STARD13: variants seen among roughly 807,000 people sequenced by gnomAD.
STARD13 encodes the protein StAR related lipid transfer domain containing 13.
Under a neutral mutation model 106.4 loss-of-function variants are expected in STARD13, and 62 were observed. That is an observed-to-expected ratio of 0.58 (90% CI 0.48 to 0.72). STARD13 has a LOEUF of 0.72. STARD13 is among the 30% of genes least tolerant of loss of function. STARD13 has a pLI of 0.00. For synonymous variants in STARD13, 565 were observed against 553.0 expected (o/e 1.02, Z -0.31); for missense variants, 1,387 against 1,424.0 (o/e 0.97, Z 0.42).
the STARD13 span, among the ~76,000 whole-genome samples, chr13:33,542,339 A>G: frequency 6.6e-6 from 1 of 152,230 alleles, no homozygotes; most frequent in African/African-American, 2.4e-5. Flanking sequence ...AGAAAACAGT[A>G]CAGATCCAGT....
chr13:33,665,213 G>T, the STARD13 span, among the ~76,000 whole-genome samples: 1 of 152,166 alleles, frequency 6.6e-6, no homozygotes, highest in Non-Finnish European at 1.5e-5. Flanking sequence ...GTTGAGTGGT[G>T]ACTGAACTGG....
intron 1 of STARD13, among the ~76,000 whole-genome samples, chr13:33,258,436 C>A: frequency 6.6e-6 from 1 of 150,696 alleles, no homozygotes; most frequent in African/African-American, 2.5e-5. Context: ...ACCAGAAACA[C>A]ACAAGACACC....
At chr13:33,233,962 C>A (rs1038159059) in intron 1 of STARD13, among the ~76,000 whole-genome samples, 1 of 152,162 alleles carries the variant, frequency 6.6e-6, no homozygotes, top group Non-Finnish European at 1.5e-5. Flanking sequence ...GTGGGGTGCC[C>A]CTTCTATGAG....
At chr13:33,490,834 T>C in the STARD13 span, among the ~76,000 whole-genome samples, 1 of 152,086 alleles carries the variant, frequency 6.6e-6, no homozygotes, top group Non-Finnish European at 1.5e-5. Context: ...CGTCTGCGGG[T>C]GGCCAAGCTG....
chr13:33,639,389 C>T, the STARD13 span, among the ~76,000 whole-genome samples: 6 of 152,212 alleles, frequency 3.9e-5, no homozygotes, highest in African/African-American at 1.2e-4. Context: ...TGCACAAGAA[C>T]AGCCGTGGTC....
intron 1 of STARD13, among the ~76,000 whole-genome samples, chr13:33,230,327 C>A (rs7985984): frequency 0.13 from 19,191 of 152,192 alleles, 1,938 homozygotes; most frequent in African/African-American, 0.28. Context: ...CCAGTACATG[C>A]ACATCCTACC....
the STARD13 span, among the ~76,000 whole-genome samples, chr13:33,421,441 T>G: frequency 6.6e-6 from 1 of 152,246 alleles, no homozygotes; most frequent in African/African-American, 2.4e-5. Flanking sequence ...CTCTGAAATT[T>G]AGGCAATAAT....
chr13:33,261,960 C>T (rs1243804390), intron 1 of STARD13, among the ~76,000 whole-genome samples: 1 of 152,116 alleles, frequency 6.6e-6, no homozygotes, highest in Non-Finnish European at 1.5e-5. Flanking sequence ...CTGGTGAACT[C>T]GGGCCCACGA....
the STARD13 span, among the ~76,000 whole-genome samples, chr13:33,643,256 C>A: frequency 6.6e-6 from 1 of 152,028 alleles, no homozygotes; most frequent in East Asian, 1.9e-4. Context: ...GTTCCTCCTG[C>A]AGAAATCTTC....
the STARD13 span, among the ~76,000 whole-genome samples, chr13:33,429,463 G>T: frequency 6.6e-6 from 1 of 151,874 alleles, no homozygotes; most frequent in South Asian, 2.1e-4. Flanking sequence ...GGGTGTGGCG[G>T]CAGTGAGCCG....
chr13:33,178,772 G>C (rs571687408), intron 1 of STARD13, among the ~76,000 whole-genome samples: 1 of 152,262 alleles, frequency 6.6e-6, no homozygotes, highest in Admixed American at 6.5e-5. Context: ...TTTACTTTAT[G>C]TAATAACTTG....
intron 1 of STARD13, among the ~76,000 whole-genome samples, chr13:33,208,756 C>T (rs1334937364): frequency 6.6e-6 from 1 of 152,088 alleles, no homozygotes; most frequent in African/African-American, 2.4e-5. Flanking sequence ...CTAGAGGCAA[C>T]CAGAAAGACA....
At chr13:33,651,948 T>A in the STARD13 span, among the ~76,000 whole-genome samples, 1 of 152,198 alleles carries the variant, frequency 6.6e-6, no homozygotes, top group Non-Finnish European at 1.5e-5. Context: ...ATCAGCTGTC[T>A]GGCGAATATC....
At chr13:33,236,412 G>C (rs573584407) in intron 1 of STARD13, among the ~76,000 whole-genome samples, 1 of 152,218 alleles carries the variant, frequency 6.6e-6, no homozygotes, top group African/African-American at 2.4e-5. Context: ...GCATGGCTGC[G>C]TGAGTGTTAG....
chr13:33,672,942 C>T, the STARD13 span, among the ~76,000 whole-genome samples: 1 of 152,182 alleles, frequency 6.6e-6, no homozygotes, highest in Non-Finnish European at 1.5e-5. Context: ...GGATGTCTTA[C>T]AAGCCATTCC....
At chr13:33,664,950 C>T in the STARD13 span, among the ~76,000 whole-genome samples, 1 of 152,212 alleles carries the variant, frequency 6.6e-6, no homozygotes, top group Non-Finnish European at 1.5e-5. Flanking sequence ...CTTTTACTTA[C>T]CTTACTCATC....
chr13:33,528,243 C>CATATATATAT, the STARD13 span, among the ~76,000 whole-genome samples: 18 of 93,482 alleles, frequency 1.9e-4, no homozygotes, highest in African/African-American at 1.1e-3. Flanking sequence ...TATATATATA[C>CATATATATAT]ATATATATAT....
chr13:33,261,539 A>G (rs1044292364), intron 1 of STARD13, among the ~76,000 whole-genome samples: 1 of 152,184 alleles, frequency 6.6e-6, no homozygotes, highest in East Asian at 1.9e-4. Context: ...TTCATCTCAC[A>G]GCTCATTTTT....
chr13:33,274,456 A>C (rs1034065403), intron 1 of STARD13, among the ~76,000 whole-genome samples: 8 of 152,188 alleles, frequency 5.3e-5, no homozygotes, highest in African/African-American at 1.9e-4. Context: ...AGAACTGTGA[A>C]ACATATTTTT....
Sources: allele counts gnomAD v4.1 joint callset (sites outside exome capture counted in the v4.1 genomes callset), GRCh38; gene constraint gnomAD v4.1.1; transcripts MANE v1.5; gene names NCBI Gene and HGNC (gene_info 2026-07-23, HGNC 2026-07-21).